PCDHGB3: variants seen among roughly 807,000 people sequenced by gnomAD.
The protein encoded by PCDHGB3 is protocadherin gamma subfamily B, 3, also known as protocadherin gamma-B3.
PCDHGB3 carries 40 observed loss-of-function variants against 59.2 expected under a neutral mutation model. The ratio of observed to expected loss-of-function variants is 0.68; its 90% CI spans 0.52 to 0.88. PCDHGB3 has a LOEUF of 0.88. PCDHGB3 is among the 40% of genes least tolerant of loss of function. The pLI, the probability that PCDHGB3 is intolerant of heterozygous loss-of-function variation, is 0.00. For missense variants in PCDHGB3, 1,309 were observed against 1,187.9 expected (o/e 1.10, Z -1.50); for synonymous variants, 581 against 503.6 (o/e 1.15, Z -2.06).
At chr5:141,507,537 C>CA (rs140454890) in intron 3 of PCDHGB3, among the ~76,000 whole-genome samples, 3,617 of 152,286 alleles carry the variant, frequency 0.024, 53 homozygotes, top group East Asian at 0.043. Context: ...AGGCCAGAGA[C>CA]TGAGTATGAA....
intron 1 of PCDHGB3, among the ~76,000 whole-genome samples, chr5:141,406,473 T>A (rs2094813817): frequency 6.6e-6 from 1 of 152,248 alleles, no homozygotes; most frequent in African/African-American, 2.4e-5. Context: ...CTCTTTGAGG[T>A]TATATTTTTC....
chr5:141,421,634 A>G (rs771759412), intron 1 of PCDHGB3: 12 of 1,613,714 alleles, frequency 7.4e-6, no homozygotes, highest in South Asian at 1.1e-5. Context: ...AGCTTCCAGG[A>G]GGACGAAGTG....
intron 1 of PCDHGB3, chr5:141,414,615 G>A: frequency 6.2e-7 from 1 of 1,613,962 alleles, no homozygotes; most frequent in Non-Finnish European, 8.5e-7. Context: ...CAGTGACAGC[G>A]CTGGACCCGG....
chr5:141,507,483 T>G (rs2099860964), intron 3 of PCDHGB3, among the ~76,000 whole-genome samples: 1 of 152,184 alleles, frequency 6.6e-6, no homozygotes, highest in South Asian at 2.1e-4. Context: ...GCTGGCCTCC[T>G]GAGGCAGAGC....
chr5:141,494,807 C>A lies in PCDHGB3; in HGVS notation c.2416C>A (p.Gln806Lys), dbSNP rs568448786. Residue 806 changes from glutamine to lysine, a missense_variant and splice_region_variant, in exon 2 of 4, where the codon CAA (glutamine) becomes AAA (lysine). Coordinates refer to ENST00000576222, the MANE Select transcript of PCDHGB3 (RefSeq NM_018924.5). ...CCCTTTCCCTCTGTTTTCTCCACAGCAAGCCCCGCCCAACACGGACTGGCG... is the reference window on the plus strand; with the variant it reads ...CCCTTTCCCTCTGTTTTCTCCACAGAAAGCCCCGCCCAACACGGACTGGCG... ...MPSNSGNLQK[Q>K]APPNTDWRFS... The A allele has an allele frequency of 2.5e-5, 40 of 1,614,144 alleles. No individual in the cohort carries two copies. The South Asian group carries it at 4.0e-4, about 16-fold the overall frequency.
chr5:141,403,021 A>G (rs1367554344), intron 1 of PCDHGB3: 2 of 1,613,944 alleles, frequency 1.2e-6, no homozygotes, highest in African/African-American at 1.3e-5. Flanking sequence ...TGGGGATGCT[A>G]TGGGAGGCCA....
At chr5:141,381,403 A>G (rs1036443196) in intron 1 of PCDHGB3, among the ~76,000 whole-genome samples, 2 of 152,244 alleles carry the variant, frequency 1.3e-5, no homozygotes, top group East Asian at 1.9e-4. Context: ...CTCTATCAAC[A>G]TCAGTGGAGA....
At chr5:141,452,881 T>A (rs1273440996) in intron 1 of PCDHGB3, among the ~76,000 whole-genome samples, 1 of 152,166 alleles carries the variant, frequency 6.6e-6, no homozygotes, top group African/African-American at 2.4e-5. Context: ...TTTGTAATAA[T>A]TTATTCCACT....
chr5:141,383,295 A>G, intron 1 of PCDHGB3: 1 of 1,613,982 alleles, frequency 6.2e-7, no homozygotes, highest in Non-Finnish European at 8.5e-7. Context: ...ACGTTCCAAG[A>G]TTCTTGACGG....
At chr5:141,437,040 C>G (rs188070264) in intron 1 of PCDHGB3, among the ~76,000 whole-genome samples, 1 of 152,266 alleles carries the variant, frequency 6.6e-6, no homozygotes, top group African/African-American at 2.4e-5. Flanking sequence ...ATCACCGAAA[C>G]CAGAAGGCTG....
intron 1 of PCDHGB3, among the ~76,000 whole-genome samples, chr5:141,420,877 G>T (rs566962587): frequency 3.9e-5 from 6 of 152,338 alleles, no homozygotes; most frequent in African/African-American, 1.4e-4. Context: ...TGTAAGTATT[G>T]TGTATCATCG....
At chr5:141,400,777 T>G (rs2094073733) in intron 1 of PCDHGB3, 1 of 565,634 alleles carries the variant, frequency 1.8e-6, no homozygotes. Context: ...ATTTGGTGCG[T>G]TTTTTTGTCC....
rs781550738 is a variant in PCDHGB3 at position 141,487,383 on chromosome 5, C to A, written c.2416-7424C>A. On this transcript the variant is annotated intron_variant, in intron 1 of 3. Transcript: ENST00000576222. This position sits in a 1 kb window ranked among gnomAD's most constrained non-coding sequence, Gnocchi z 5.0. Reference sequence around the variant, plus strand: ...GGCACCTGTGCCTGTCTCACCAGATCTCGAAGGAGGGAGGGGCTTCCCCCT... The same window carrying A: ...GGCACCTGTGCCTGTCTCACCAGATATCGAAGGAGGGAGGGGCTTCCCCCT... The A allele has an allele frequency of 3.7e-6, 6 of 1,614,196 alleles. No individual in the cohort carries two copies. The South Asian group carries it at 6.6e-5, about 18-fold the overall frequency.
chr5:141,410,063 C>A lies in PCDHGB3; in HGVS notation c.2415+37254C>A. 1.9e-6 allele frequency: 3 copies of A among 1,612,972 alleles called. No homozygotes were observed. The South Asian group carries it at 3.3e-5, about 18-fold the overall frequency. On this transcript the variant is annotated intron_variant, in intron 1 of 3. Coordinates refer to ENST00000576222, the MANE Select transcript of PCDHGB3 (RefSeq NM_018924.5). ...TGAGCCCGGACTCTTCAGCCTGGGG[C>A]TGCGCACTGGGGAGGTGCGCACGGC...
chr5:141,411,174 A>T (rs574627520), intron 1 of PCDHGB3: 4 of 152,400 alleles, frequency 2.6e-5, no homozygotes, highest in African/African-American at 7.2e-5. Flanking sequence ...GAACAGAAGC[A>T]GTGGTCTTGG....
intron 1 of PCDHGB3, among the ~76,000 whole-genome samples, chr5:141,437,164 T>C (rs1262289843): frequency 1.3e-5 from 2 of 152,226 alleles, no homozygotes; most frequent in Non-Finnish European, 2.9e-5. Flanking sequence ...GTGTTGATTG[T>C]TTTCTGAGAC....
At chr5:141,385,574 C>T in intron 1 of PCDHGB3, 1 of 1,293,946 alleles carries the variant, frequency 7.7e-7, no homozygotes, top group Non-Finnish European at 9.8e-7. Flanking sequence ...ACCTACTTTC[C>T]AATCTATGTT....
intron 1 of PCDHGB3, chr5:141,421,032 C>A: frequency 1.9e-6 from 1 of 533,288 alleles, no homozygotes; most frequent in Non-Finnish European, 3.3e-6. Flanking sequence ...GCCATTGAGT[C>A]CCTCCCTCCC....
intron 3 of PCDHGB3, among the ~76,000 whole-genome samples, chr5:141,508,624 G>A (rs552418899): frequency 3.3e-5 from 5 of 152,256 alleles, no homozygotes; most frequent in African/African-American, 9.6e-5. Context: ...TGGGTGGGCC[G>A]AGCTTCTAGC....
Sources: gnomAD v4.1 joint callset for allele counts (sites outside exome capture counted in the v4.1 genomes callset) on GRCh38, gnomAD v4.1.1 for gene constraint, Gnocchi (gnomAD v3.1) non-coding constraint, MANE v1.5 for transcripts, NCBI Gene and HGNC (gene_info 2026-07-23, HGNC 2026-07-21) for gene names.